The following LCA5 variants were observed in gnomAD, a reference collection of about 807,000 sequenced individuals.
The protein encoded by LCA5 is lebercilin.
Under a neutral mutation model 53.0 loss-of-function variants are expected in LCA5, and 37 were observed. That is an observed-to-expected ratio of 0.70 (90% CI 0.54 to 0.92). The LOEUF (loss-of-function observed/expected upper bound fraction) is 0.92, where lower values mean the gene tolerates loss of function less well. LCA5 is among the 40% of genes least tolerant of loss of function. The pLI is 0.00. For missense variants in LCA5, 806 were observed against 790.5 expected (o/e 1.02, Z -0.23); for synonymous variants, 303 against 282.9 (o/e 1.07, Z -0.71).
At chr6:79,518,643 T>G in intron 2 of LCA5, 62 bp downstream of exon 2, 1 of 1,461,714 alleles carries the variant, frequency 6.8e-7, no homozygotes, top group Admixed American at 1.7e-5. Context: ...TGCACACACA[T>G]TTTCCTTAAG....
chr6:79,512,753 C>T (rs894786671), intron 3 of LCA5, among the ~76,000 whole-genome samples: 6 of 152,128 alleles, frequency 3.9e-5, no homozygotes, highest in African/African-American at 1.4e-4. Context: ...AGTCAACAGT[C>T]TCCCACCCAT....
intron 3 of LCA5, among the ~76,000 whole-genome samples, chr6:79,498,044 G>A (rs1770031333): frequency 6.6e-6 from 1 of 151,194 alleles, no homozygotes; most frequent in Admixed American, 6.6e-5. Context: ...CATTATATAA[G>A]TGTAAATCAT....
intron 3 of LCA5, among the ~76,000 whole-genome samples, chr6:79,505,800 A>C (rs1232825845): frequency 6.6e-6 from 1 of 152,172 alleles, no homozygotes; most frequent in African/African-American, 2.4e-5. Flanking sequence ...CTAGAGCAAA[A>C]TATAGCAGGA....
chr6:79,513,291 T>C lies in LCA5; in HGVS notation c.641A>G (p.His214Arg). ...TGCCAAATCATCTCGTTCAGGTAGGTGTCTAGCTTCAGAGATCTCTTTCAG... is the reference window on the plus strand; with the variant it reads ...TGCCAAATCATCTCGTTCAGGTAGGCGTCTAGCTTCAGAGATCTCTTTCAG... ...QKLKEISEAR[H>R]LPERDDLAKK... The change falls in exon 3 of 8, where the codon CAC (histidine) becomes CGC (arginine). Residue 214 changes from histidine (H) to arginine (R), a missense_variant. His to Arg is a conservative substitution (Grantham distance 29). Transcript: ENST00000369846. 3.1e-6 allele frequency: 5 copies of C among 1,613,664 alleles called. No individual in the cohort carries two copies. Among genetic ancestry groups the C allele is most frequent in the Non-Finnish European group, 2.5e-6 (3 of 1,179,730 alleles).
intron 3 of LCA5, among the ~76,000 whole-genome samples, chr6:79,507,134 C>T (rs1416182677): frequency 1.3e-5 from 2 of 152,136 alleles, no homozygotes; most frequent in Non-Finnish European, 2.9e-5. Context: ...TCATACTTAT[C>T]AATCACAACA....
chr6:79,496,407 C>T (rs1562098133), intron 3 of LCA5, among the ~76,000 whole-genome samples: 1 of 152,092 alleles, frequency 6.6e-6, no homozygotes, highest in Non-Finnish European at 1.5e-5. Context: ...ATAGCCAAAA[C>T]TGGAAACAAT....
At chr6:79,527,860 C>G (rs1449020972) in intron 1 of LCA5, among the ~76,000 whole-genome samples, 1 of 152,160 alleles carries the variant, frequency 6.6e-6, no homozygotes, top group Non-Finnish European at 1.5e-5. Context: ...AAAACTCAAC[C>G]TCCCATTTGC....
intron 6 of LCA5, among the ~76,000 whole-genome samples, chr6:79,489,943 C>G (rs909936311): frequency 6.6e-6 from 1 of 152,072 alleles, no homozygotes; most frequent in Non-Finnish European, 1.5e-5. Flanking sequence ...CTTCAGATCA[C>G]ATTTATAAAA....
chr6:79,501,378 T>C (rs1770135116), intron 3 of LCA5, among the ~76,000 whole-genome samples: 1 of 152,090 alleles, frequency 6.6e-6, no homozygotes, highest in African/African-American at 2.4e-5. Context: ...ATAAGACTTG[T>C]TCTTGCTGTT....
intron 2 of LCA5, among the ~76,000 whole-genome samples, chr6:79,516,790 T>C (rs940569647): frequency 2.0e-5 from 3 of 151,950 alleles, no homozygotes; most frequent in African/African-American, 7.2e-5. Context: ...TTTTCTTCCT[T>C]CAGGTGTTAA....
intron 1 of LCA5, among the ~76,000 whole-genome samples, chr6:79,532,392 G>A (rs1766984234): frequency 6.6e-6 from 1 of 152,116 alleles, no homozygotes; most frequent in African/African-American, 2.4e-5. Context: ...AATCAGACCA[G>A]CACTGCTCTC....
At chr6:79,497,715 T>C (rs921626751) in intron 3 of LCA5, among the ~76,000 whole-genome samples, 2 of 152,120 alleles carry the variant, frequency 1.3e-5, no homozygotes, top group Non-Finnish European at 2.9e-5. Flanking sequence ...CGGTGGCTCA[T>C]GCCTGTAATC....
At chr6:79,532,790 T>C (rs1766994813) in intron 1 of LCA5, among the ~76,000 whole-genome samples, 1 of 152,182 alleles carries the variant, frequency 6.6e-6, no homozygotes, top group Non-Finnish European at 1.5e-5. Context: ...TTTATTGTCT[T>C]ACTTATCCTA....
intron 7 of LCA5, 73 bp from the exon 8 acceptor site, chr6:79,487,939 T>C: frequency 8.8e-7 from 1 of 1,135,546 alleles, no homozygotes; most frequent in Non-Finnish European, 1.3e-6. Flanking sequence ...CTATCAACTT[T>C]CATAAAACCA....
chr6:79,534,567 C>T (rs187744933), intron 1 of LCA5, among the ~76,000 whole-genome samples: 11 of 151,988 alleles, frequency 7.2e-5, no homozygotes, highest in Admixed American at 3.9e-4. Context: ...AAAAATAATG[C>T]GACAGTCTAT....
At chr6:79,515,504 A>G (rs1014138963) in intron 2 of LCA5, among the ~76,000 whole-genome samples, 1 of 152,112 alleles carries the variant, frequency 6.6e-6, no homozygotes, top group African/African-American at 2.4e-5. Context: ...TTTTTACTAA[A>G]AGTTCATTAG....
At chr6:79,527,697 TA>T (rs1766832357) in intron 1 of LCA5, among the ~76,000 whole-genome samples, 3 of 152,156 alleles carry the variant, frequency 2.0e-5, no homozygotes, top group African/African-American at 7.2e-5. Flanking sequence ...CCCTGCCAAA[TA>T]ACTGCCAGAA....
chr6:79,491,565 C>G (rs763508650), intron 6 of LCA5, 23 bp downstream of exon 6: 96 of 1,611,436 alleles, frequency 6.0e-5, no homozygotes, highest in Admixed American at 1.3e-4. Context: ...GAGTTTGGTA[C>G]ATAACAATAC....
chr6:79,488,700 T>C, intron 7 of LCA5: 1 of 334,400 alleles, frequency 3.0e-6, no homozygotes. Flanking sequence ...CAAATAGTTC[T>C]TTAGCTATTC....
Sources: gnomAD v4.1 joint callset for allele counts (sites outside exome capture counted in the v4.1 genomes callset) on GRCh38, gnomAD v4.1.1 for gene constraint, MANE v1.5 for transcripts, NCBI Gene and HGNC (gene_info 2026-07-23, HGNC 2026-07-21) for gene names.